TMEM222: variants seen among roughly 807,000 people sequenced by gnomAD.
TMEM222 encodes chromosome 1 open reading frame 160.
Under a neutral mutation model 25.1 loss-of-function variants are expected in TMEM222, and 18 were observed. That is an observed-to-expected ratio of 0.72 (90% CI 0.50 to 1.06). The LOEUF is 1.06. Among genes scored for constraint, TMEM222 ranks in the 50% least tolerant of loss-of-function variants. The pLI, the probability that TMEM222 is intolerant of heterozygous loss-of-function variation, is 0.00. For synonymous variants in TMEM222, 131 were observed against 117.9 expected (o/e 1.11, Z -0.72); for missense variants, 296 against 293.7 (o/e 1.01, Z -0.06).
rs145898399 is a variant in TMEM222, at chr1:27,322,683, C to T, written c.194+292C>T. ...CTGTGAGTGTGTAGAAGAGGGAGCC[C>T]CTTATCGGATCTGAGGAGACATTTT... On this transcript the variant is annotated intron_variant, in intron 1 of 5. Coordinates refer to ENST00000374076, the MANE Select transcript of TMEM222 (RefSeq NM_032125.3). Among the ~76,000 whole-genome samples, 18 of 152,256 alleles carry T rather than the reference C, an allele frequency of 1.2e-4. No individual in the cohort carries two copies. The East Asian group carries it at 3.5e-3, about 29-fold the overall frequency.
At chr1:27,331,137 G>T (rs2014469139) in intron 2 of TMEM222, 1 of 1,172,436 alleles carries the variant, frequency 8.5e-7, no homozygotes, top group African/African-American at 1.6e-5. Context: ...ACCTTCAGAA[G>T]GTGGGAGTCA....
intron 1 of TMEM222, chr1:27,325,501 C>A: frequency 6.8e-7 from 1 of 1,462,922 alleles, no homozygotes; most frequent in Non-Finnish European, 9.6e-7. Flanking sequence ...CACGAGACCA[C>A]GTTCAACTCC....
In TMEM222 at chr1:27,322,253, C is replaced by A; in HGVS notation, c.56C>A (p.Pro19His). 6.5e-7 allele frequency: 1 copy of A among 1,529,970 alleles called. No individual in the cohort carries two copies. The highest frequency in any genetic ancestry group is 8.8e-7 in the Non-Finnish European group (1 of 1,134,904). 94.8% of individuals were successfully genotyped at this position (1,529,970 alleles called of 1,614,324 possible). A position where few individuals can be genotyped will look rare whatever the true frequency, so the allele number is the denominator to read the frequency against. ...LLLLPPPPPP[P>H]RMAEVEAPTA... is the part of the protein sequence containing the mutation. ...TTGTTGCCGCCGCCGCCACCCCCGC[C>A]CAGGATGGCGGAAGTGGAGGCGCCG... Residue 19 changes from proline to histidine, a missense_variant, in exon 1 of 6, where the codon CCC becomes CAC. Coordinates refer to ENST00000374076, the MANE Select transcript of TMEM222 (RefSeq NM_032125.3).
intron 5 of TMEM222, 115 bp from the exon 6 acceptor site, chr1:27,335,264 T>TGAA (rs56322013): frequency 9.6e-7 from 1 of 1,036,338 alleles, no homozygotes; most frequent in Non-Finnish European, 1.5e-6. Flanking sequence ...AGGGGGTGGT[T>TGAA]GGGTTTTCCT....
chr1:27,331,325 G>A (rs1031338087), intron 2 of TMEM222, among the ~76,000 whole-genome samples: 1 of 152,154 alleles, frequency 6.6e-6, no homozygotes, highest in Non-Finnish European at 1.5e-5. Context: ...AGGTGTCAGA[G>A]GCTGGACTGA....
At chr1:27,325,836 T>G (rs2014332862) in intron 1 of TMEM222, 1 of 798,500 alleles carries the variant, frequency 1.3e-6, no homozygotes, top group African/African-American at 1.7e-5. Flanking sequence ...CTGCATGGGT[T>G]AATTCAGAAG....
At position 27,328,094 on chromosome 1, in the gene TMEM222, G is replaced by A. The variant is rs148779187; in HGVS notation, c.195-2626G>A. Among the ~76,000 whole-genome samples the A allele has an allele frequency of 3.3e-5, 5 of 152,342 alleles. No individual in the cohort carries two copies. The East Asian group carries it at 5.8e-4, about 18-fold the overall frequency. On this transcript the variant is annotated intron_variant, in intron 1 of 5. Coordinates refer to ENST00000374076, the MANE Select transcript of TMEM222 (RefSeq NM_032125.3). ...AATTTTGGATGGTAGTAGATACTAT[G>A]AGGGAAGTAAAGCATTGTAGTGGGA...
chr1:27,335,270 T>G, intron 5 of TMEM222, 109 bp from the exon 6 acceptor site: 1 of 1,092,484 alleles, frequency 9.2e-7, no homozygotes, highest in Non-Finnish European at 1.4e-6. Context: ...TGGTTGGGTT[T>G]TCCTTAGGGA....
chr1:27,324,540 T>C lies in TMEM222; in HGVS notation c.194+2149T>C, dbSNP rs74416667. 4.6e-4 allele frequency among the ~76,000 whole-genome samples: 70 copies of C among 152,356 alleles called. 2 individuals carry two copies. In the East Asian group the frequency reaches 0.013, roughly 29 times the overall value. On this transcript the variant is annotated intron_variant, in intron 1 of 5. Coordinates refer to ENST00000374076, the MANE Select transcript of TMEM222 (RefSeq NM_032125.3). Reference sequence around the variant, plus strand: ...AGCTCATAGCCCATTTCTATTCAGATCTGTGTACAGGTGTTCATAAGACCA... The same window carrying C: ...AGCTCATAGCCCATTTCTATTCAGACCTGTGTACAGGTGTTCATAAGACCA...
intron 1 of TMEM222, among the ~76,000 whole-genome samples, chr1:27,328,742 C>CT (rs2014410758): frequency 6.6e-6 from 1 of 152,204 alleles, no homozygotes. Flanking sequence ...ATGTTGTGTC[C>CT]TTTCACAGGT....
At chr1:27,327,224 A>G (rs531680188) in intron 1 of TMEM222, among the ~76,000 whole-genome samples, 2 of 152,236 alleles carry the variant, frequency 1.3e-5, no homozygotes, top group South Asian at 2.1e-4. Context: ...GTGTAAATGG[A>G]TAAGTCTATC....
chr1:27,334,199 A>G lies in TMEM222; in HGVS notation c.457A>G (p.Asn153Asp), dbSNP rs373363592. 6.2e-7 allele frequency: 1 copy of G among 1,614,170 alleles called. No homozygotes were observed. The change falls in exon 5 of 6, where the codon AAT (asparagine) becomes GAT (aspartate). Residue 153 changes from asparagine to aspartate, a missense_variant. Asn to Asp is a conservative substitution (Grantham distance 23, BLOSUM62 1). Coordinates refer to ENST00000374076, the MANE Select transcript of TMEM222 (RefSeq NM_032125.3). Reference sequence around the variant, plus strand: ...CCACTCGCACGTGGCATTGGCCCTGAATCTGATGCGCTACAACAACAGCAC... The same window carrying G: ...CCACTCGCACGTGGCATTGGCCCTGGATCTGATGCGCTACAACAACAGCAC... ...NCHSHVALAL[N>D]LMRYNNSTNW... is the part of the protein sequence containing the mutation.
chr1:27,334,195 C>T lies in TMEM222; in HGVS notation c.453C>T (p.Ala151=). ...ACTGCCACTCGCACGTGGCATTGGC[C>T]CTGAATCTGATGCGCTACAACAACA... The part of the protein sequence containing the change: ...CDNCHSHVAL[A]LNLMRYNNST... Residue 151 remains alanine, a synonymous_variant, in exon 5 of 6, where the codon GCC becomes GCT. Coordinates refer to ENST00000374076, the MANE Select transcript of TMEM222 (RefSeq NM_032125.3). 6.2e-7 allele frequency: 1 copy of T among 1,614,144 alleles called. No individual in the cohort carries two copies. Among genetic ancestry groups the T allele is most frequent in the Middle Eastern group, 1.6e-4 (1 of 6,062 alleles).
At chr1:27,323,647 C>T (rs2014267042) in intron 1 of TMEM222, among the ~76,000 whole-genome samples, 2 of 152,154 alleles carry the variant, frequency 1.3e-5, no homozygotes, top group African/African-American at 2.4e-5. Flanking sequence ...GTGGCACGTG[C>T]CTGTAATCCC....
intron 1 of TMEM222, among the ~76,000 whole-genome samples, chr1:27,323,598 A>G (rs1196770284): frequency 2.6e-5 from 4 of 151,868 alleles, no homozygotes; most frequent in Admixed American, 2.6e-4. Context: ...TCGTGGCGAA[A>G]CCCGTCTCTA....
chr1:27,322,577 T>C (rs1253628960), intron 1 of TMEM222, among the ~76,000 whole-genome samples, 186 bp downstream of exon 1: 3 of 152,200 alleles, frequency 2.0e-5, no homozygotes, highest in African/African-American at 7.2e-5. Context: ...TGGGACACGC[T>C]CCCTGCTCTC....
chr1:27,335,366 TTCTC>T lies in TMEM222; in HGVS notation c.540-9_540-6del, dbSNP rs765812527. On this transcript the variant is annotated splice_polypyrimidine_tract_variant and intron_variant, in intron 5 of 5. Transcript: ENST00000374076. ...GCCCTGCCCACCTATGCTCGCTCCT[TTCTC>T]TCTGTCAGCGTTGGGGCCTTCGTGA... 1.7e-5 allele frequency: 27 copies of T among 1,613,898 alleles called. No homozygotes were observed. Among genetic ancestry groups the T allele is most frequent in the Non-Finnish European group, 2.2e-5 (26 of 1,179,870 alleles).
chr1:27,335,668 T>C lies in TMEM222; in HGVS notation c.*202T>C. On this transcript the variant is annotated 3_prime_UTR_variant, in exon 6 of 6. Transcript: ENST00000374076. Reference sequence around the variant, plus strand: ...GTCTCCCTGCCTCTCAGAAGCACCCTGTCCCCTCCTCCCCAGGCCTGTGAC... The same window carrying C: ...GTCTCCCTGCCTCTCAGAAGCACCCCGTCCCCTCCTCCCCAGGCCTGTGAC... 1.7e-6 allele frequency: 1 copy of C among 599,676 alleles called. No homozygotes were observed. The highest frequency in any genetic ancestry group is 2.9e-5 in the Admixed American group (1 of 34,618). The allele number at this position is 599,676 out of a possible 1,614,324, so 37.1% of individuals were successfully genotyped here. A position where few individuals can be genotyped will look rare whatever the true frequency, so the allele number is the denominator to read the frequency against.
chr1:27,328,728 G>C (rs532919884), intron 1 of TMEM222, among the ~76,000 whole-genome samples: 1 of 152,354 alleles, frequency 6.6e-6, no homozygotes, highest in African/African-American at 2.4e-5. Context: ...TTTTCTGCCT[G>C]TTGATGTTGT....
Sources: allele counts gnomAD v4.1 joint callset (sites outside exome capture counted in the v4.1 genomes callset), GRCh38; gene constraint gnomAD v4.1.1; transcripts MANE v1.5; gene names NCBI Gene and HGNC (gene_info 2026-07-23, HGNC 2026-07-21).